ARHGAP25: variants seen among roughly 807,000 people sequenced by gnomAD.
The protein encoded by ARHGAP25 is rho GTPase-activating protein 25.
ARHGAP25 carries 34 observed loss-of-function variants against 71.0 expected under a neutral mutation model. The observed-to-expected ratio is 0.48, with a 90% confidence interval of 0.36 to 0.64. The LOEUF (loss-of-function observed/expected upper bound fraction) is 0.64. Ranked by LOEUF, ARHGAP25 falls within the 30% of genes least tolerant of loss-of-function variation. The pLI, the probability that ARHGAP25 is intolerant of heterozygous loss-of-function variation, is 0.00. For missense variants in ARHGAP25, 706 were observed against 805.1 expected (o/e 0.88, Z 1.49); for synonymous variants, 282 against 296.5 (o/e 0.95, Z 0.50).
intron 1 of ARHGAP25, among the ~76,000 whole-genome samples, chr2:68,741,122 C>G (rs779706662): frequency 2.0e-5 from 3 of 152,226 alleles, no homozygotes; most frequent in Non-Finnish European, 4.4e-5. Context: ...TCAGATCAGA[C>G]TAGAAGCTGT....
At chr2:68,720,734 C>T (rs1395719007) in intron 2 of ARHGAP25, among the ~76,000 whole-genome samples, 1 of 152,188 alleles carries the variant, frequency 6.6e-6, no homozygotes, top group African/African-American at 2.4e-5. Context: ...TCCCCCCTCT[C>T]CTACCTACCC....
At chr2:68,756,202 G>A (rs1017896052) in intron 1 of ARHGAP25, among the ~76,000 whole-genome samples, 1 of 152,212 alleles carries the variant, frequency 6.6e-6, no homozygotes, top group Non-Finnish European at 1.5e-5. Context: ...CCCTAGCCCT[G>A]TGGCAGGCTT....
intron 4 of ARHGAP25, among the ~76,000 whole-genome samples, chr2:68,795,108 T>G (rs1435641663): frequency 6.6e-6 from 1 of 152,112 alleles, no homozygotes; most frequent in Non-Finnish European, 1.5e-5. Flanking sequence ...TCGATGGTAT[T>G]AGTTGTAATG....
chr2:68,821,413 T>A (rs1355357214), intron 9 of ARHGAP25, among the ~76,000 whole-genome samples: 1 of 152,182 alleles, frequency 6.6e-6, no homozygotes, highest in African/African-American at 2.4e-5. Context: ...CAGTTCTTCA[T>A]ACTACAAAAG....
In ARHGAP25 at chr2:68,825,235, G is replaced by C. The variant is rs921079410; in HGVS notation, c.1734-752G>C. Reference sequence around the variant, plus strand: ...CCCCAGGAGATCCTTAATAAGAAAGGGTGCTGATCTATGCTCTCCATTGAC... The same window carrying C: ...CCCCAGGAGATCCTTAATAAGAAAGCGTGCTGATCTATGCTCTCCATTGAC... On this transcript the variant is annotated intron_variant, in intron 10 of 10. Transcript: ENST00000409202. Among the ~76,000 whole-genome samples, 3 of 152,058 alleles carry C rather than the reference G, an allele frequency of 2.0e-5. No homozygotes were observed. In the East Asian group the frequency reaches 5.8e-4, roughly 29 times the overall value.
chr2:68,774,691 A>T, intron 1 of ARHGAP25: 1 of 971,944 alleles, frequency 1.0e-6, no homozygotes, highest in African/African-American at 1.8e-5. Context: ...TGCGTTCCAC[A>T]GCGAGGTTGG....
chr2:68,815,512 G>T lies in ARHGAP25; in HGVS notation c.808-777G>T, dbSNP rs1033143558. On this transcript the variant is annotated intron_variant, in intron 6 of 10. Coordinates refer to ENST00000409202, the MANE Select transcript of ARHGAP25 (RefSeq NM_001007231.3). ...TTCGCCCAGGCTGGAGTGCAGTGGCGCGATCTCAGCTCACTGCAATCTCCG... is the reference window on the plus strand; with the variant it reads ...TTCGCCCAGGCTGGAGTGCAGTGGCTCGATCTCAGCTCACTGCAATCTCCG... 2.1e-5 allele frequency among the ~76,000 whole-genome samples: 3 copies of T among 144,604 alleles called. No individual in the cohort carries two copies. The Admixed American group carries it at 2.1e-4, about 10-fold the overall frequency. 94.9% of individuals were successfully genotyped at this position (144,604 alleles called of 152,430 possible).
intron 4 of ARHGAP25, among the ~76,000 whole-genome samples, chr2:68,790,852 G>A (rs762602657): frequency 6.6e-6 from 1 of 152,188 alleles, no homozygotes; most frequent in Non-Finnish European, 1.5e-5. Context: ...TTCTCACTCA[G>A]AGTAAAAGTC....
At chr2:68,775,713 A>C in intron 2 of ARHGAP25, 1 of 572,624 alleles carries the variant, frequency 1.7e-6, no homozygotes, top group East Asian at 4.1e-5. Flanking sequence ...TCAAGGGCTC[A>C]GAGAGAGTGG....
chr2:68,809,727 C>T (rs1370487923), intron 5 of ARHGAP25, among the ~76,000 whole-genome samples: 1 of 152,118 alleles, frequency 6.6e-6, no homozygotes, highest in Non-Finnish European at 1.5e-5. Flanking sequence ...CTCTTGCTGT[C>T]CCCAACTTCA....
At chr2:68,756,051 C>T (rs1417384262) in intron 1 of ARHGAP25, among the ~76,000 whole-genome samples, 1 of 152,100 alleles carries the variant, frequency 6.6e-6, no homozygotes, top group Non-Finnish European at 1.5e-5. Context: ...TTACTCTTTC[C>T]AAGTCTGTCT....
intron 4 of ARHGAP25, among the ~76,000 whole-genome samples, chr2:68,803,135 G>A (rs1454525348): frequency 1.3e-5 from 2 of 152,164 alleles, no homozygotes; most frequent in East Asian, 3.8e-4. Context: ...GAGAAGAAAA[G>A]AAGCCTGAGT....
intron 2 of ARHGAP25, among the ~76,000 whole-genome samples, chr2:68,719,699 C>G (rs1387425371): frequency 6.6e-5 from 10 of 152,066 alleles, no homozygotes; most frequent in Admixed American, 6.5e-4. Flanking sequence ...TTAACAAGTG[C>G]CTGCTATGAC....
intron 1 of ARHGAP25, among the ~76,000 whole-genome samples, chr2:68,737,289 G>A (rs758931678): frequency 2.0e-5 from 3 of 152,156 alleles, no homozygotes; most frequent in Non-Finnish European, 4.4e-5. Flanking sequence ...GTAGGAACTG[G>A]CTTACCAATA....
At position 68,767,705 on chromosome 2, in the gene ARHGAP25, A is replaced by C. The variant is rs1358891019; in HGVS notation, c.62-7516A>C. Among the ~76,000 whole-genome samples, 1 of 152,050 alleles carries C rather than the reference A, an allele frequency of 6.6e-6. No individual in the cohort carries two copies. Among genetic ancestry groups the C allele is most frequent in the African/African-American group, 2.4e-5 (1 of 41,350 alleles). On this transcript the variant is annotated intron_variant, in intron 1 of 10. Transcript: ENST00000409202. This position sits in a 1 kb window ranked among gnomAD's most constrained non-coding sequence, Gnocchi z 4.6. ...CTGGTAAGACGTGGCAGGATTACCT[A>C]ATATGTCCGTTTTCTTGTTGGGGTA...
chr2:68,801,338 A>G (rs974899909), intron 4 of ARHGAP25, among the ~76,000 whole-genome samples: 5 of 152,190 alleles, frequency 3.3e-5, no homozygotes, highest in African/African-American at 1.2e-4. Flanking sequence ...CAACATGTAG[A>G]GGACAGCAAG....
intron 4 of ARHGAP25, among the ~76,000 whole-genome samples, chr2:68,791,976 C>T (rs1238080324): frequency 7.2e-5 from 11 of 152,170 alleles, no homozygotes; most frequent in Non-Finnish European, 1.6e-4. Context: ...TCTCAGCTTA[C>T]TCCTGCCCAT....
chr2:68,750,151 C>T (rs1202306583), intron 1 of ARHGAP25, among the ~76,000 whole-genome samples: 1 of 149,834 alleles, frequency 6.7e-6, no homozygotes, highest in Admixed American at 6.7e-5. Context: ...GGACCACAGG[C>T]GTGCACCGCC....
chr2:68,780,062 T>C (rs1020792528), intron 2 of ARHGAP25, among the ~76,000 whole-genome samples: 2 of 152,258 alleles, frequency 1.3e-5, no homozygotes, highest in Admixed American at 6.5e-5. Context: ...ATCTAGCTTT[T>C]GTGATCCTGG....
Sources: allele counts gnomAD v4.1 joint callset (sites outside exome capture counted in the v4.1 genomes callset), GRCh38; gene constraint gnomAD v4.1.1; non-coding constraint Gnocchi (gnomAD v3.1); transcripts MANE v1.5; gene names NCBI Gene and HGNC (gene_info 2026-07-23, HGNC 2026-07-21).